The following CTNND2 variants were observed in gnomAD, a reference collection of about 807,000 sequenced individuals.
CTNND2 encodes the protein catenin delta 2.
In CTNND2, 22 loss-of-function variants were observed where a neutral mutation model predicts 144.4. The observed-to-expected ratio is 0.15, with a 90% CI of 0.11 to 0.22. The LOEUF (loss-of-function observed/expected upper bound fraction) is 0.22. Ranked by LOEUF, CTNND2 falls within the 10% of genes least tolerant of loss-of-function variation. The pLI is 1.00. For missense variants in CTNND2, 1,353 were observed against 1,618.8 expected (o/e 0.84, Z 2.82); for synonymous variants, 751 against 695.6 (o/e 1.08, Z -1.25).
intron 1 of CTNND2, among the ~76,000 whole-genome samples, chr5:11,879,973 G>T (rs1735907019): frequency 6.6e-6 from 1 of 152,130 alleles, no homozygotes; most frequent in Non-Finnish European, 1.5e-5. Flanking sequence ...GGCTATGGAA[G>T]ATTGTGCTGA....
intron 8 of CTNND2, among the ~76,000 whole-genome samples, chr5:11,355,402 G>C (rs142251227): frequency 4.0e-4 from 61 of 151,722 alleles, no homozygotes; most frequent in African/African-American, 1.3e-3. Flanking sequence ...CAGAACCAAG[G>C]ATAAAAACCA....
At chr5:11,348,706 A>T (rs916726444) in intron 8 of CTNND2, among the ~76,000 whole-genome samples, 1 of 151,936 alleles carries the variant, frequency 6.6e-6, no homozygotes, top group African/African-American at 2.4e-5. Context: ...GAACAATTTG[A>T]CTACCCACAC....
At position 11,452,877 on chromosome 5, in the gene CTNND2, T is replaced by C. The variant is rs558490119; in HGVS notation, c.288-40808A>G. ...TAGGTTTGCGATCTATCCTAATATATGTATATGACACTGATCAATTGTAGG... is the reference window on the plus strand; with the variant it reads ...TAGGTTTGCGATCTATCCTAATATACGTATATGACACTGATCAATTGTAGG... On this transcript the variant is annotated intron_variant, in intron 3 of 21. Transcript: ENST00000304623. 7.9e-5 allele frequency among the ~76,000 whole-genome samples: 12 copies of C among 152,344 alleles called. No individual in the cohort carries two copies. The South Asian group carries it at 1.9e-3, about 24-fold the overall frequency.
At chr5:11,749,781 G>T (rs1325917894) in intron 1 of CTNND2, among the ~76,000 whole-genome samples, 1 of 151,812 alleles carries the variant, frequency 6.6e-6, no homozygotes, top group Admixed American at 6.6e-5. Context: ...TAAAATAATA[G>T]TCTTACATAT....
At chr5:11,420,858 A>G (rs1252208795) in intron 3 of CTNND2, among the ~76,000 whole-genome samples, 2 of 152,184 alleles carry the variant, frequency 1.3e-5, no homozygotes, top group East Asian at 1.9e-4. Context: ...GAACATTTTT[A>G]CAGGCTACAA....
At chr5:10,975,941 A>G (rs1736413654) in intron 21 of CTNND2, among the ~76,000 whole-genome samples, 1 of 152,192 alleles carries the variant, frequency 6.6e-6, no homozygotes, top group African/African-American at 2.4e-5. Flanking sequence ...GGAGCTGGGT[A>G]TCAGCTTTTT....
At chr5:11,527,722 A>C (rs565844283) in intron 3 of CTNND2, among the ~76,000 whole-genome samples, 1 of 152,296 alleles carries the variant, frequency 6.6e-6, no homozygotes, top group Non-Finnish European at 1.5e-5. Flanking sequence ...TTAATATTTC[A>C]TATAAACCTG....
chr5:11,045,995 AG>A (rs1022978291), intron 16 of CTNND2, among the ~76,000 whole-genome samples: 4 of 152,056 alleles, frequency 2.6e-5, no homozygotes, highest in African/African-American at 9.7e-5. Context: ...TCTGTGCTGC[AG>A]GGCAGGGTGG....
chr5:11,319,815 A>G (rs916304901), intron 9 of CTNND2, among the ~76,000 whole-genome samples: 2 of 152,122 alleles, frequency 1.3e-5, no homozygotes, highest in African/African-American at 2.4e-5. Context: ...GCCACTGTGC[A>G]TGGCCTGAAG....
At chr5:11,590,439 C>T (rs951715734) in intron 2 of CTNND2, among the ~76,000 whole-genome samples, 1 of 152,124 alleles carries the variant, frequency 6.6e-6, no homozygotes, top group African/African-American at 2.4e-5. Flanking sequence ...CATACACTCC[C>T]AGCATCAAAT....
chr5:11,678,574 C>T (rs143675752), intron 2 of CTNND2, among the ~76,000 whole-genome samples: 11 of 152,246 alleles, frequency 7.2e-5, no homozygotes, highest in Non-Finnish European at 1.6e-4. Context: ...TAAGACGAAG[C>T]CCTCTAGCAC....
intron 16 of CTNND2, among the ~76,000 whole-genome samples, chr5:11,055,426 C>T (rs1283751019): frequency 6.6e-6 from 1 of 152,118 alleles, no homozygotes; most frequent in African/African-American, 2.4e-5. Flanking sequence ...AACTGCCATA[C>T]CCCCATTTAT....
intron 3 of CTNND2, among the ~76,000 whole-genome samples, chr5:11,471,004 GTCTC>G (rs934954023): frequency 5.6e-5 from 4 of 71,664 alleles, no homozygotes; most frequent in Admixed American, 2.9e-4. Context: ...TTTAGATGGA[GTCTC>G]TCTCTGTCGC....
chr5:10,987,106 T>C (rs2149492931), intron 20 of CTNND2, among the ~76,000 whole-genome samples: 1 of 152,270 alleles, frequency 6.6e-6, no homozygotes, highest in African/African-American at 2.4e-5. Context: ...TCCATGCCCA[T>C]GTGGTAAAGA....
At chr5:11,635,856 A>G (rs756584559) in intron 2 of CTNND2, among the ~76,000 whole-genome samples, 8 of 151,452 alleles carry the variant, frequency 5.3e-5, no homozygotes, top group Non-Finnish European at 1.2e-4. Context: ...TCCCACCCCT[A>G]CTCCTTAATA....
intron 11 of CTNND2, among the ~76,000 whole-genome samples, chr5:11,164,832 C>T (rs961267264): frequency 3.3e-5 from 5 of 152,210 alleles, no homozygotes; most frequent in Admixed American, 6.5e-5. Flanking sequence ...TCAACACTAA[C>T]TCATTCTGTC....
chr5:11,648,406 A>C (rs900130263), intron 2 of CTNND2, among the ~76,000 whole-genome samples: 2 of 151,580 alleles, frequency 1.3e-5, no homozygotes, highest in African/African-American at 4.8e-5. Context: ...AACCTTATCA[A>C]CTCTTGCTAA....
chr5:11,462,768 T>C (rs558810677), intron 3 of CTNND2, among the ~76,000 whole-genome samples: 88 of 152,272 alleles, frequency 5.8e-4, no homozygotes, highest in African/African-American at 1.8e-3. Flanking sequence ...ATTTAATAAA[T>C]ACCAACTAAG....
At chr5:11,581,875 G>T (rs1158724098) in intron 2 of CTNND2, among the ~76,000 whole-genome samples, 2 of 152,196 alleles carry the variant, frequency 1.3e-5, no homozygotes, top group Non-Finnish European at 2.9e-5. Context: ...GGAAGGGACG[G>T]TTTGAACTTA....
Sources: gnomAD v4.1 joint callset for allele counts (sites outside exome capture counted in the v4.1 genomes callset) on GRCh38, gnomAD v4.1.1 for gene constraint, MANE v1.5 for transcripts, NCBI Gene and HGNC (gene_info 2026-07-23, HGNC 2026-07-21) for gene names.